Variants in ESPL1 observed in about 807,000 individuals in gnomAD.
ESPL1 encodes extra spindle pole bodies like 1, separase, also known as separin.
ESPL1 carries 50 observed loss-of-function variants against 217.2 expected under a neutral mutation model. That is an observed-to-expected ratio of 0.23 (90% CI 0.18 to 0.29). The LOEUF (loss-of-function observed/expected upper bound fraction) is 0.29, where lower values mean the gene tolerates loss of function less well. Ranked by LOEUF, ESPL1 falls within the 10% of genes least tolerant of loss-of-function variation. The pLI, the probability that ESPL1 is intolerant of heterozygous loss-of-function variation, is 1.00. For missense variants in ESPL1, 1,834 were observed against 2,603.0 expected, an observed-to-expected ratio of 0.70 and a Z score of 6.43; for synonymous variants, 994 against 1,081.3, an observed-to-expected ratio of 0.92 and a Z score of 1.58.
intron 5 of ESPL1, among the ~76,000 whole-genome samples, chr12:53,271,670 C>T (rs1024987577): frequency 7.3e-5 from 11 of 151,280 alleles, no homozygotes; most frequent in Non-Finnish European, 1.0e-4. Context: ...GCAACAAGAG[C>T]GAAACTCCAT....
chr12:53,276,500 A>T (rs1943767370), intron 7 of ESPL1, 120 bp from the exon 8 acceptor site: 1 of 1,154,414 alleles, frequency 8.7e-7, no homozygotes, highest in Non-Finnish European at 1.2e-6. Context: ...TTAAATTTTT[A>T]AAGCCATGAC....
chr12:53,270,876 T>C, intron 5 of ESPL1, 78 bp downstream of exon 5: 1 of 1,533,424 alleles, frequency 6.5e-7, no homozygotes, highest in Non-Finnish European at 8.9e-7. Context: ...ACTTGCTGCG[T>C]GGTTCTGACC....
At position 53,292,754 on chromosome 12, in the gene ESPL1, C is replaced by T. The variant is rs1944085055; in HGVS notation, c.5997-52C>T. 1 of 1,604,528 alleles carries T rather than the reference C, an allele frequency of 6.2e-7. No individual in the cohort carries two copies. Among genetic ancestry groups the T allele is most frequent in the Non-Finnish European group, 8.5e-7 (1 of 1,176,384 alleles). On this transcript the variant is annotated intron_variant, in intron 29 of 30. Coordinates refer to ENST00000257934, the MANE Select transcript of ESPL1 (RefSeq NM_012291.5). The surrounding 1 kb of genome is among the most constrained non-coding windows in gnomAD (Gnocchi z 4.5). ...ACTTGAGAGCCTCTGAAGACACAGG[C>T]AGAGGCCAGGTATTACTAGCTCAAG...
rs761454285 is a variant in ESPL1, at chr12:53,289,321, C to T, written c.4922+18C>T. 1 of 1,611,062 alleles carries T rather than the reference C, an allele frequency of 6.2e-7. No individual in the cohort carries two copies. Among genetic ancestry groups the T allele is most frequent in the Admixed American group, 1.7e-5 (1 of 60,028 alleles). ...CAGCTCAGGTGGGTGCTGACCATCCCCAAGACTCCTGCTGGGGCAGACTAG... is the reference window on the plus strand; with the variant it reads ...CAGCTCAGGTGGGTGCTGACCATCCTCAAGACTCCTGCTGGGGCAGACTAG... On this transcript the variant is annotated intron_variant, in intron 21 of 30. Coordinates refer to ENST00000257934, the MANE Select transcript of ESPL1 (RefSeq NM_012291.5).
chr12:53,276,518 CT>C, intron 7 of ESPL1, 101 bp from the exon 8 acceptor site: 4 of 1,332,312 alleles, frequency 3.0e-6, no homozygotes, highest in Non-Finnish European at 4.0e-6. Context: ...GACTGGAAAC[CT>C]ACTGAGCAAG....
At position 53,277,729 on chromosome 12, in the gene ESPL1, T is replaced by C. The variant is rs955380334; in HGVS notation, c.2225-92T>C. On this transcript the variant is annotated intron_variant, in intron 10 of 30. Coordinates refer to ENST00000257934, the MANE Select transcript of ESPL1 (RefSeq NM_012291.5). ...GGAGGTTGTGGAAGCAGTGGGAGGTTGGCGTAAAGGGCAGAGGATGTTATG... is the reference window on the plus strand; with the variant it reads ...GGAGGTTGTGGAAGCAGTGGGAGGTCGGCGTAAAGGGCAGAGGATGTTATG... The C allele has an allele frequency of 8.3e-6, 13 of 1,573,576 alleles. No individual in the cohort carries two copies. The East Asian group carries it at 2.9e-4, about 35-fold the overall frequency.
intron 18 of ESPL1, 141 bp from the exon 19 acceptor site, chr12:53,287,831 G>A: frequency 2.5e-6 from 2 of 784,524 alleles, no homozygotes; most frequent in Admixed American, 5.0e-5. Flanking sequence ...AGTGTTGGCT[G>A]TCATGTGAGA....
chr12:53,288,979 G>A, intron 20 of ESPL1, 111 bp from the exon 21 acceptor site: 1 of 880,430 alleles, frequency 1.1e-6, no homozygotes, highest in South Asian at 1.5e-5. Context: ...ATAAATGGTA[G>A]TTGCTGTTTG....
chr12:53,281,777 G>A (rs1326831033), intron 13 of ESPL1, 151 bp downstream of exon 13: 7 of 740,708 alleles, frequency 9.5e-6, no homozygotes, highest in Admixed American at 2.5e-5. Context: ...CCTTGCCCTC[G>A]CCAGCGATTT....
intron 14 of ESPL1, 84 bp from the exon 15 acceptor site, chr12:53,283,045 G>C: frequency 6.4e-7 from 1 of 1,557,738 alleles, no homozygotes. Context: ...AAGGAAGCAT[G>C]GGAAGCAGGC....
At chr12:53,289,042 T>C in intron 20 of ESPL1, 48 bp from the exon 21 acceptor site, 1 of 1,445,410 alleles carries the variant, frequency 6.9e-7, no homozygotes, top group South Asian at 1.1e-5. Context: ...TCCTATCAAC[T>C]ATGAAATAAG....
Position 53,288,073 on chromosome 12 carries a change from G to A in ESPL1, c.4278G>A (p.Gly1426=), listed in dbSNP as rs768458890. ...KRRGTASRGR[G]RARKGLSLKT... is the part of the protein sequence containing the mutation. Reference sequence around the variant, plus strand: ...GGGGCACTGCTTCCCGGGGCCGGGGGCGAGCAAGGAAGGGCCTGAGCCTAA... The same window carrying A: ...GGGGCACTGCTTCCCGGGGCCGGGGACGAGCAAGGAAGGGCCTGAGCCTAA... The change falls in exon 19 of 31, where the codon GGG becomes GGA. Residue 1426 remains glycine (G), a synonymous_variant. Transcript: ENST00000257934. The A allele has an allele frequency of 1.2e-6, 2 of 1,613,646 alleles. No homozygotes were observed. Among genetic ancestry groups the A allele is most frequent in the East Asian group, 2.2e-5 (1 of 44,884 alleles).
chr12:53,285,550 A>C (rs1036634726), intron 17 of ESPL1, among the ~76,000 whole-genome samples: 9 of 152,138 alleles, frequency 5.9e-5, no homozygotes, highest in African/African-American at 2.2e-4. Flanking sequence ...CCACTAAAAA[A>C]TACAAAAAAT....
chr12:53,286,860 C>T lies in ESPL1; in HGVS notation c.4124C>T (p.Pro1375Leu). Reference sequence around the variant, plus strand: ...GAAGTCTGCCCTACAGAGAGCAAGCCTGAAGTACCCCAGGCCCCCAGGGTA... The same window carrying T: ...GAAGTCTGCCCTACAGAGAGCAAGCTTGAAGTACCCCAGGCCCCCAGGGTA... Reference protein sequence around the residue: ...FEEVCPTESKPEVPQAPRVQQ... With the variant: ...FEEVCPTESKLEVPQAPRVQQ... Residue 1375 changes from proline to leucine, a missense_variant, in exon 18 of 31, where the codon CCT becomes CTT. Physicochemically the swap from Pro to Leu is moderately conservative, Grantham distance 98. This residue lies in a region of ESPL1 where 681 missense variants were observed against 808.0 expected (regional missense o/e 0.84). Transcript: ENST00000257934. This position sits in a 1 kb window ranked among gnomAD's most constrained non-coding sequence, Gnocchi z 5.3. The T allele has an allele frequency of 6.2e-7, 1 of 1,613,570 alleles. No homozygotes were observed. The highest frequency in any genetic ancestry group is 8.5e-7 in the Non-Finnish European group (1 of 1,179,844).
At position 53,289,178 on chromosome 12, in the gene ESPL1, C is replaced by T; in HGVS notation, c.4797C>T (p.His1599=). The T allele has an allele frequency of 6.2e-7, 1 of 1,614,196 alleles. No individual in the cohort carries two copies. Among genetic ancestry groups the T allele is most frequent in the South Asian group, 1.1e-5 (1 of 91,084 alleles). Residue 1599 remains histidine, a synonymous_variant, in exon 21 of 31, where the codon CAC becomes CAT. Transcript: ENST00000257934. ...SHCPPSGLYA[H]LCRFLALCLG... ...GTCCTCCTAGTGGGCTCTATGCCCA[C>T]CTCTGCCGCTTCCTGGCCTTGTGCC...
In ESPL1 at chr12:53,277,813, C is replaced by T. The variant is rs746389428; in HGVS notation, c.2225-8C>T. ...TGAGACAGCAGTCATTTTCTTCTGG[C>T]TTAACAGCTCAGTCCAAATGCCTGG... On this transcript the variant is annotated splice_polypyrimidine_tract_variant and splice_region_variant and intron_variant, in intron 10 of 30. Coordinates refer to ENST00000257934, the MANE Select transcript of ESPL1 (RefSeq NM_012291.5). 6.8e-6 allele frequency: 11 copies of T among 1,613,016 alleles called. No homozygotes were observed. In the African/African-American group the frequency reaches 1.3e-4, roughly 20 times the overall value.
At chr12:53,289,336 G>C in intron 21 of ESPL1, 33 bp downstream of exon 21, 2 of 1,610,726 alleles carry the variant, frequency 1.2e-6, no homozygotes, top group Non-Finnish European at 1.7e-6. Flanking sequence ...ACTCCTGCTG[G>C]GGCAGACTAG....
Position 53,288,599 on chromosome 12 carries a change from G to C in ESPL1, c.4608G>C (p.Leu1536=). The change falls in exon 20 of 31, where the codon CTG becomes CTC. Residue 1536 remains leucine (L), a synonymous_variant. Coordinates refer to ENST00000257934, the MANE Select transcript of ESPL1 (RefSeq NM_012291.5). The part of the protein sequence containing the change: ...AASGEWELLR[L]DSSKKKLPSP... The stretch of plus-strand genomic sequence containing the variant: ...CTGGAGAATGGGAGCTGCTGAGGCT[G>C]GATTCCAGCAAGAAGAAGCTGCCCA... 1 of 1,613,852 alleles carries C rather than the reference G, an allele frequency of 6.2e-7. No individual in the cohort carries two copies. The highest frequency in any genetic ancestry group is 8.5e-7 in the Non-Finnish European group (1 of 1,180,000).
chr12:53,279,383 C>T, intron 11 of ESPL1, among the ~76,000 whole-genome samples: 1 of 152,212 alleles, frequency 6.6e-6, no homozygotes, highest in East Asian at 1.9e-4. Context: ...CTGCCACATA[C>T]CTGTTATATG....
Sources: gnomAD v4.1 joint callset for allele counts (sites outside exome capture counted in the v4.1 genomes callset) on GRCh38, gnomAD v4.1.1 for gene constraint, gnomAD v4.1.1 regional missense constraint, Gnocchi (gnomAD v3.1) non-coding constraint, MANE v1.5 for transcripts, NCBI Gene and HGNC (gene_info 2026-07-23, HGNC 2026-07-21) for gene names.